Variants in RSPO3 observed in about 807,000 individuals in gnomAD.
The protein encoded by RSPO3 is R-spondin 3, also known as R-spondin-3.
A neutral mutation model predicts 36.5 loss-of-function variants in RSPO3; 17 were observed. That is an observed-to-expected ratio of 0.47 (90% CI 0.32 to 0.70). The LOEUF is 0.70. Ranked by LOEUF, RSPO3 falls within the 30% of genes least tolerant of loss-of-function variation. The probability of loss-of-function intolerance (pLI) is 0.04; values close to 1 mark genes in which losing one functional copy is unlikely to be tolerated. For synonymous variants in RSPO3, 108 were observed against 107.0 expected, an observed-to-expected ratio of 1.01 and a Z score of -0.06; for missense variants, 294 against 322.5, an observed-to-expected ratio of 0.91 and a Z score of 0.68.
rs1260322742 is a variant in RSPO3 at position 127,119,197 on chromosome 6, A to T, written c.5A>T (p.His2Leu). Residue 2 changes from histidine to leucine, a missense_variant, in exon 1 of 5, where the codon CAC becomes CTC. Physicochemically the swap from His to Leu is moderately conservative, Grantham distance 99 (BLOSUM62 -3). This residue lies in a region of RSPO3 where 61 missense variants were observed against 51.3 expected (regional missense o/e 1.19). Transcript: ENST00000356698. Reference protein sequence around the residue: MHLRLISWLFII... With the variant: MLLRLISWLFII... ...GGGAAGCATTACTGGGTTACTATGC[A>T]CTTGCGACTGATTTCTTGGCTTTTT... is the stretch of plus-strand genomic sequence containing the variant. The T allele has an allele frequency of 6.2e-7, 1 of 1,610,936 alleles. No homozygotes were observed. The highest frequency in any genetic ancestry group is 1.1e-5 in the South Asian group (1 of 90,938).
intron 1 of RSPO3, among the ~76,000 whole-genome samples, chr6:127,135,963 T>C (rs1020258179): frequency 1.3e-5 from 2 of 148,330 alleles, no homozygotes; most frequent in African/African-American, 4.9e-5. Context: ...CAATTAAGTG[T>C]ACAATAGTTT....
intron 1 of RSPO3, 67 bp downstream of exon 1, chr6:127,119,356 G>C: frequency 8.5e-7 from 1 of 1,173,762 alleles, no homozygotes; most frequent in East Asian, 2.4e-5. Context: ...CGCTTTGCCT[G>C]TCCGGAGCCG....
intron 4 of RSPO3, among the ~76,000 whole-genome samples, chr6:127,159,319 G>C (rs916121163): frequency 6.6e-6 from 1 of 152,090 alleles, no homozygotes; most frequent in Non-Finnish European, 1.5e-5. Flanking sequence ...TTACAAAAAA[G>C]ATTCTTATTA....
At chr6:127,150,396 A>T (rs1362840772) in intron 2 of RSPO3, 30 bp from the exon 3 acceptor site, 4 of 1,597,724 alleles carry the variant, frequency 2.5e-6, no homozygotes, top group Non-Finnish European at 3.4e-6. Flanking sequence ...AACATAATGC[A>T]AGCATATTTC....
intron 4 of RSPO3, among the ~76,000 whole-genome samples, chr6:127,184,738 T>G (rs1775256645): frequency 6.6e-6 from 1 of 151,846 alleles, no homozygotes; most frequent in African/African-American, 2.4e-5. Context: ...GTTACAGAAA[T>G]CACTAAATTT....
intron 1 of RSPO3, among the ~76,000 whole-genome samples, chr6:127,121,944 A>G (rs900978646): frequency 1.3e-5 from 2 of 152,102 alleles, no homozygotes; most frequent in Non-Finnish European, 2.9e-5. Flanking sequence ...CCTAAGCTTA[A>G]AATCATCAAT....
At chr6:127,147,799 C>T (rs746534659) in intron 1 of RSPO3, among the ~76,000 whole-genome samples, 5 of 152,112 alleles carry the variant, frequency 3.3e-5, no homozygotes, top group Admixed American at 1.3e-4. Context: ...GGTCCATTCT[C>T]ACCAAATATA....
At chr6:127,193,895 G>A (rs1198066160) in intron 4 of RSPO3, among the ~76,000 whole-genome samples, 1 of 152,108 alleles carries the variant, frequency 6.6e-6, no homozygotes, top group Non-Finnish European at 1.5e-5. Context: ...AAGTAGTTCA[G>A]TTTAGGCATA....
intron 3 of RSPO3, 82 bp downstream of exon 3, chr6:127,150,654 A>AC: frequency 7.5e-7 from 1 of 1,336,046 alleles, no homozygotes; most frequent in Non-Finnish European, 1.0e-6. Flanking sequence ...TGCCAAAAGA[A>AC]CTTGAAGGTT....
At chr6:127,122,279 A>C (rs188656877) in intron 1 of RSPO3, among the ~76,000 whole-genome samples, 22 of 152,352 alleles carry the variant, frequency 1.4e-4, no homozygotes, top group Non-Finnish European at 2.6e-4. Flanking sequence ...ATGTCTATTT[A>C]GTTATGGGTG....
rs763688634 is a variant in RSPO3, at chr6:127,119,336, C to T, written c.97+47C>T. ...CGTTTGCTCCCTCCCGCCGCGTTCA[C>T]CTGTCGGGTCGCTTTGCCTGTCCGG... On this transcript the variant is annotated intron_variant, in intron 1 of 4. Coordinates refer to ENST00000356698, the MANE Select transcript of RSPO3 (RefSeq NM_032784.5). 2.0e-5 allele frequency: 28 copies of T among 1,408,030 alleles called. No individual in the cohort carries two copies. In the South Asian group the frequency reaches 3.0e-4, roughly 15 times the overall value. 87.2% of individuals were successfully genotyped at this position (1,408,030 alleles called of 1,614,324 possible).
chr6:127,138,695 C>G (rs1774209587), intron 1 of RSPO3, among the ~76,000 whole-genome samples: 1 of 152,054 alleles, frequency 6.6e-6, no homozygotes, highest in African/African-American at 2.4e-5. Context: ...GAAACCTAGG[C>G]TCAAAAAAGT....
chr6:127,145,453 T>C (rs528281518), intron 1 of RSPO3, among the ~76,000 whole-genome samples: 11 of 152,308 alleles, frequency 7.2e-5, no homozygotes, highest in African/African-American at 2.6e-4. Context: ...ACCCTATGTT[T>C]ACAGAAGAAT....
chr6:127,188,492 T>C (rs1033217393), intron 4 of RSPO3, among the ~76,000 whole-genome samples: 4 of 151,972 alleles, frequency 2.6e-5, no homozygotes, highest in Admixed American at 1.3e-4. Context: ...TATGAAAATA[T>C]GTGATAATTT....
At chr6:127,177,706 T>A (rs1177131080) in intron 4 of RSPO3, among the ~76,000 whole-genome samples, 3 of 151,812 alleles carry the variant, frequency 2.0e-5, no homozygotes, top group African/African-American at 7.2e-5. Flanking sequence ...ATTTGTTTAC[T>A]TTATTTTCAT....
At chr6:127,148,466 A>G (rs1347969877) in intron 1 of RSPO3, among the ~76,000 whole-genome samples, 182 bp from the exon 2 acceptor site, 1 of 152,044 alleles carries the variant, frequency 6.6e-6, no homozygotes, top group East Asian at 1.9e-4. Flanking sequence ...AATTAAAAAC[A>G]ATACATGTGC....
At chr6:127,166,609 C>T (rs941583207) in intron 4 of RSPO3, among the ~76,000 whole-genome samples, 2 of 151,994 alleles carry the variant, frequency 1.3e-5, no homozygotes, top group African/African-American at 4.8e-5. Flanking sequence ...AGACTTGTGC[C>T]TGGCACAGAG....
In RSPO3 at chr6:127,155,427, A is replaced by C. The variant is rs1774575837; in HGVS notation, c.623A>C (p.Lys208Thr). ...KCTVQRKKCQ[K>T]GERGKKGRER... ...ACAGTGCAAAGGAAGAAGTGTCAGA[A>C]GGGAGAACGAGGTACAATCATAATA... The change falls in exon 4 of 5, where the codon AAG becomes ACG. Residue 208 changes from lysine to threonine, a missense_variant. Physicochemically the swap from Lys to Thr is moderately conservative, Grantham distance 78. Coordinates refer to ENST00000356698, the MANE Select transcript of RSPO3 (RefSeq NM_032784.5). 6.2e-7 allele frequency: 1 copy of C among 1,613,128 alleles called. No individual in the cohort carries two copies. The highest frequency in any genetic ancestry group is 1.7e-5 in the Admixed American group (1 of 59,898).
At chr6:127,180,512 A>AC (rs1775162458) in intron 4 of RSPO3, among the ~76,000 whole-genome samples, 2 of 150,304 alleles carry the variant, frequency 1.3e-5, no homozygotes, top group Non-Finnish European at 3.0e-5. Context: ...AAAAAAAAAA[A>AC]AAACCACCAG....
Sources: gnomAD v4.1 joint callset for allele counts (sites outside exome capture counted in the v4.1 genomes callset) on GRCh38, gnomAD v4.1.1 for gene constraint, gnomAD v4.1.1 regional missense constraint, MANE v1.5 for transcripts, NCBI Gene and HGNC (gene_info 2026-07-23, HGNC 2026-07-21) for gene names.